SAMTOR: variants seen among roughly 807,000 people sequenced by gnomAD.
SAMTOR encodes the protein UPF0532 protein C7orf60.
the SAMTOR span, among the ~76,000 whole-genome samples, chr7:112,913,123 G>A: frequency 3.3e-5 from 5 of 152,106 alleles, no homozygotes; most frequent in African/African-American, 9.7e-5. Flanking sequence ...CTGTAAAACA[G>A]TCAGATTTAT....
chr7:112,845,847 T>TTTA, the SAMTOR span, among the ~76,000 whole-genome samples: 1 of 152,114 alleles, frequency 6.6e-6, no homozygotes, highest in African/African-American at 2.4e-5. Context: ...TGCCCATCAA[T>TTTA]GGTAGACTGG....
the SAMTOR span, among the ~76,000 whole-genome samples, chr7:112,834,962 C>G: frequency 3.2e-4 from 49 of 152,104 alleles, no homozygotes; most frequent in African/African-American, 1.2e-3. Flanking sequence ...TTTGAGATAC[C>G]ATACTCACGT....
At chr7:112,847,173 A>G in the SAMTOR span, among the ~76,000 whole-genome samples, 1 of 152,358 alleles carries the variant, frequency 6.6e-6, no homozygotes, top group African/African-American at 2.4e-5. Flanking sequence ...TACTTAGGGG[A>G]AAAATCTTAT....
chr7:112,911,488 T>C, the SAMTOR span, among the ~76,000 whole-genome samples: 1 of 152,068 alleles, frequency 6.6e-6, no homozygotes, highest in Non-Finnish European at 1.5e-5. Flanking sequence ...AGGGTATTTA[T>C]GCCAATCTCT....
At chr7:112,914,430 T>G in the SAMTOR span, among the ~76,000 whole-genome samples, 1 of 152,054 alleles carries the variant, frequency 6.6e-6, no homozygotes, top group Admixed American at 6.6e-5. Flanking sequence ...CATGTTTAAG[T>G]TTAGTCAATA....
chr7:112,938,874 T>C, the SAMTOR span, among the ~76,000 whole-genome samples: 1 of 152,250 alleles, frequency 6.6e-6, no homozygotes, highest in African/African-American at 2.4e-5. Context: ...GAGGGTGGGC[T>C]TTATCGGCAG....
At chr7:112,922,903 G>A in the SAMTOR span, among the ~76,000 whole-genome samples, 1 of 112,120 alleles carries the variant, frequency 8.9e-6, no homozygotes, top group African/African-American at 3.5e-5. Context: ...CCCCCCCCCG[G>A]GCCAGCCGCC....
At chr7:112,911,169 C>T in the SAMTOR span, among the ~76,000 whole-genome samples, 1 of 152,088 alleles carries the variant, frequency 6.6e-6, no homozygotes, top group African/African-American at 2.4e-5. Context: ...ATAATTCTCC[C>T]CATTCTCCTC....
the SAMTOR span, among the ~76,000 whole-genome samples, chr7:112,822,541 A>T: frequency 2.6e-5 from 4 of 152,110 alleles, no homozygotes; most frequent in African/African-American, 9.7e-5. Context: ...CACAACTTTT[A>T]CAAAAATCTC....
At chr7:112,839,971 C>T in the SAMTOR span, among the ~76,000 whole-genome samples, 2 of 151,792 alleles carry the variant, frequency 1.3e-5, no homozygotes, top group East Asian at 3.9e-4. Flanking sequence ...CAGAGTCTGA[C>T]AATCTATGTT....
chr7:112,896,577 C>T, the SAMTOR span, among the ~76,000 whole-genome samples: 33 of 152,130 alleles, frequency 2.2e-4, no homozygotes, highest in Non-Finnish European at 4.3e-4. Context: ...ACTCTATACG[C>T]AGAAGTTGAA....
chr7:112,938,947 T>A, the SAMTOR span, among the ~76,000 whole-genome samples: 4 of 152,042 alleles, frequency 2.6e-5, no homozygotes, highest in African/African-American at 9.7e-5. Flanking sequence ...CTCTTCCTCA[T>A]CGCCTAAATA....
At chr7:112,870,765 A>AC in the SAMTOR span, among the ~76,000 whole-genome samples, 3 of 150,694 alleles carry the variant, frequency 2.0e-5, no homozygotes, top group African/African-American at 7.3e-5. Flanking sequence ...AAAAAAAAAA[A>AC]CCCACCCATC....
the SAMTOR span, among the ~76,000 whole-genome samples, chr7:112,823,196 T>C: frequency 6.6e-6 from 1 of 152,152 alleles, no homozygotes; most frequent in African/African-American, 2.4e-5. Context: ...AAAAGTGATA[T>C]GCAATGTTCT....
chr7:112,882,593 G>A, the SAMTOR span, among the ~76,000 whole-genome samples: 4 of 151,930 alleles, frequency 2.6e-5, no homozygotes, highest in East Asian at 7.7e-4. Flanking sequence ...GGAGGCTGAG[G>A]CAGGAGAATA....
the SAMTOR span, among the ~76,000 whole-genome samples, chr7:112,829,643 C>T: frequency 6.6e-6 from 1 of 152,092 alleles, no homozygotes; most frequent in East Asian, 1.9e-4. Context: ...TATAAATATT[C>T]CTGAACTGTG....
the SAMTOR span, among the ~76,000 whole-genome samples, chr7:112,881,752 G>A: frequency 1.3e-5 from 2 of 152,196 alleles, no homozygotes; most frequent in African/African-American, 4.8e-5. Context: ...GGTCTCCTGA[G>A]AGCTGTTCTG....
chr7:112,936,519 C>T, the SAMTOR span, among the ~76,000 whole-genome samples: 1 of 152,152 alleles, frequency 6.6e-6, no homozygotes, highest in Non-Finnish European at 1.5e-5. Flanking sequence ...CTGTTCATCA[C>T]CATCAACTAG....
At chr7:112,829,065 A>C in the SAMTOR span, among the ~76,000 whole-genome samples, 7 of 152,012 alleles carry the variant, frequency 4.6e-5, no homozygotes, top group African/African-American at 1.7e-4. Context: ...TAAATTGGAA[A>C]GTTTTTGGCC....
Sources: allele counts gnomAD v4.1 joint callset (sites outside exome capture counted in the v4.1 genomes callset), GRCh38; gene constraint gnomAD v4.1.1; transcripts MANE v1.5; gene names NCBI Gene and HGNC (gene_info 2026-07-23, HGNC 2026-07-21).